GRK4: variants seen among roughly 807,000 people sequenced by gnomAD.
The protein encoded by GRK4 is G protein-coupled receptor kinase 2-like.
In GRK4, 73 loss-of-function variants were observed where a neutral mutation model predicts 77.9. That is an observed-to-expected ratio of 0.94 (90% CI 0.78 to 1.14). The LOEUF (loss-of-function observed/expected upper bound fraction) is 1.14. GRK4 is among the 50% of genes most tolerant of loss of function. The pLI is 0.00. For synonymous variants in GRK4, 257 were observed against 254.4 expected (o/e 1.01, Z -0.10); for missense variants, 729 against 700.2 (o/e 1.04, Z -0.46).
intron 1 of GRK4, among the ~76,000 whole-genome samples, chr4:2,983,336 C>T (rs907860280): frequency 6.6e-6 from 1 of 152,190 alleles, no homozygotes; most frequent in African/African-American, 2.4e-5. Flanking sequence ...GTCACCCAGC[C>T]TAAGCCATTA....
chr4:2,992,043 C>CT (rs34577267), intron 3 of GRK4, among the ~76,000 whole-genome samples, 172 bp from the exon 4 acceptor site: 154 of 143,436 alleles, frequency 1.1e-3, no homozygotes, highest in South Asian at 5.8e-3. Flanking sequence ...AGAAGCTTAA[C>CT]TTTTTTTTTT....
At chr4:2,995,277 A>C (rs1727463013) in intron 4 of GRK4, among the ~76,000 whole-genome samples, 1 of 152,118 alleles carries the variant, frequency 6.6e-6, no homozygotes, top group Non-Finnish European at 1.5e-5. Context: ...TTTATAATAA[A>C]AAGAAATTTC....
chr4:2,991,696 C>G (rs2515942), intron 3 of GRK4, among the ~76,000 whole-genome samples: 59,984 of 151,722 alleles, frequency 0.4, 12,825 homozygotes, highest in African/African-American at 0.55. Flanking sequence ...AATTTTAGTA[C>G]AGACGGGTTT....
rs558294427 is a variant in GRK4 at position 3,002,180 on chromosome 4, C to T, written c.340-2051C>T. ...AAATACACATGTATAGAGACGTTCA[C>T]GGTGGTGCTGTTTGCGTGGGAAAAC... On this transcript the variant is annotated intron_variant, in intron 4 of 15. Coordinates refer to ENST00000398052, the MANE Select transcript of GRK4 (RefSeq NM_182982.3). Among the ~76,000 whole-genome samples, 24 of 152,142 alleles carry T rather than the reference C, an allele frequency of 1.6e-4. 2 individuals carry two copies. The highest frequency in any genetic ancestry group is 3.9e-4 in the East Asian group (2 of 5,182).
intron 13 of GRK4, 88 bp downstream of exon 13, chr4:3,035,611 G>A (rs1740399263): frequency 7.0e-7 from 1 of 1,426,630 alleles, no homozygotes; most frequent in Non-Finnish European, 9.5e-7. Flanking sequence ...AAATAGAGAT[G>A]GGGGGTCTCA....
In GRK4 at chr4:2,984,484, G is replaced by A. The variant is rs761500610; in HGVS notation, c.53-29G>A. ...TAATTGGATATTTCTGACTGTTAAA[G>A]GAAATTGCCTTTTTTCTCCCAAATT... is the stretch of plus-strand genomic sequence containing the variant. On this transcript the variant is annotated intron_variant, in intron 1 of 15. Coordinates refer to ENST00000398052, the MANE Select transcript of GRK4 (RefSeq NM_182982.3). The A allele has an allele frequency of 4.7e-6, 6 of 1,277,700 alleles. No homozygotes were observed. The South Asian group carries it at 7.2e-5, about 15-fold the overall frequency. 79.1% of individuals were successfully genotyped at this position (1,277,700 alleles called of 1,614,324 possible).
intron 14 of GRK4, 59 bp downstream of exon 14, chr4:3,037,570 GGTGTGTGTGTGTCCGTGT>G (rs1241880798): frequency 7.2e-6 from 11 of 1,520,892 alleles, no homozygotes; most frequent in Admixed American, 5.3e-5. Flanking sequence ...CAGGGAAAAG[GGTGTGTGTGTGTCCGTGT>G]GTGTGTGTGT....
At chr4:3,002,008 GA>G (rs1729965382) in intron 4 of GRK4, among the ~76,000 whole-genome samples, 1 of 152,220 alleles carries the variant, frequency 6.6e-6, no homozygotes, top group Admixed American at 6.5e-5. Flanking sequence ...GGGTTAAGGA[GA>G]GCAGGGCCTG....
chr4:3,035,113 C>T (rs1157824585), intron 12 of GRK4, among the ~76,000 whole-genome samples: 4 of 151,952 alleles, frequency 2.6e-5, no homozygotes, highest in African/African-American at 7.3e-5. Flanking sequence ...GGCACGGTGG[C>T]GGGTGCCCAT....
chr4:2,967,340 G>C (rs1173237275), intron 1 of GRK4, among the ~76,000 whole-genome samples: 1 of 152,246 alleles, frequency 6.6e-6, no homozygotes, highest in Non-Finnish European at 1.5e-5. Flanking sequence ...GAAAGTGTTT[G>C]TGTGTCACTC....
intron 2 of GRK4, chr4:2,985,927 G>A (rs1251121675): frequency 6.8e-6 from 1 of 147,980 alleles, no homozygotes; most frequent in Admixed American, 6.9e-5. Context: ...TGAACCTGGG[G>A]AGCTTGGAGA....
intron 4 of GRK4, among the ~76,000 whole-genome samples, chr4:2,993,556 C>T (rs1210790739): frequency 6.6e-6 from 1 of 152,146 alleles, no homozygotes; most frequent in South Asian, 2.1e-4. Flanking sequence ...TGCCTGTAAT[C>T]CCAGCTAATA....
intron 3 of GRK4, 96 bp from the exon 4 acceptor site, chr4:2,992,119 C>T: frequency 1.4e-6 from 1 of 740,554 alleles, no homozygotes. Context: ...CTCAAGTGAT[C>T]CTCCCAACCT....
At chr4:3,015,020 C>G (rs2109932272) in intron 8 of GRK4, among the ~76,000 whole-genome samples, 2 of 152,296 alleles carry the variant, frequency 1.3e-5, no homozygotes, top group South Asian at 4.1e-4. Context: ...AAGTTTACCG[C>G]TAGGCCCTCA....
intron 5 of GRK4, among the ~76,000 whole-genome samples, chr4:3,007,384 G>A (rs142759325): frequency 2.6e-5 from 4 of 152,300 alleles, no homozygotes; most frequent in East Asian, 3.9e-4. Flanking sequence ...GGCTGAAGCC[G>A]GACTTGCAGT....
In GRK4 at chr4:3,038,484, G is replaced by A; in HGVS notation, c.1654G>A (p.Gly552Ser). The A allele has an allele frequency of 1.9e-6, 3 of 1,613,978 alleles. No individual in the cohort carries two copies. Among genetic ancestry groups the A allele is most frequent in the Non-Finnish European group, 1.7e-6 (2 of 1,179,988 alleles). ...IHTPVSRPNR[G>S]FFYRLFRRGG... The stretch of plus-strand genomic sequence containing the variant: ...TACCCCGGTTTCCAGACCAAACAGA[G>A]GCTTCTTCTATAGACTCTTCAGAAG... The change falls in exon 15 of 16, where the codon GGC (glycine) becomes AGC (serine). Residue 552 changes from glycine to serine, a missense_variant. Transcript: ENST00000398052.
rs1175281804 is a variant in GRK4, at chr4:3,009,511, A to C, written c.537-137A>C. On this transcript the variant is annotated intron_variant, in intron 6 of 15. Coordinates refer to ENST00000398052, the MANE Select transcript of GRK4 (RefSeq NM_182982.3). ...AGAGGGAGCCACAGTCCCTGAGCAC[A>C]GACACCCTTTGTCCCGGGCATCCCC... is the stretch of plus-strand genomic sequence containing the variant. 1.3e-5 allele frequency: 8 copies of C among 609,134 alleles called. No individual in the cohort carries two copies. The East Asian group carries it at 2.0e-4, about 15-fold the overall frequency. 37.7% of individuals were successfully genotyped at this position (609,134 alleles called of 1,614,324 possible).
intron 12 of GRK4, among the ~76,000 whole-genome samples, chr4:3,034,307 T>C (rs1309908506): frequency 1.3e-5 from 2 of 152,174 alleles, no homozygotes; most frequent in Non-Finnish European, 2.9e-5. Flanking sequence ...TTCTGGTCTT[T>C]GGGACTTTGA....
chr4:3,022,806 C>CT, intron 10 of GRK4, among the ~76,000 whole-genome samples: 1 of 152,080 alleles, frequency 6.6e-6, no homozygotes, highest in South Asian at 2.1e-4. Context: ...CCCATCTCAG[C>CT]TTTCTGCATA....
Sources: gnomAD v4.1 joint callset for allele counts (sites outside exome capture counted in the v4.1 genomes callset) on GRCh38, gnomAD v4.1.1 for gene constraint, MANE v1.5 for transcripts, NCBI Gene and HGNC (gene_info 2026-07-23, HGNC 2026-07-21) for gene names.